PPA1: variants seen among roughly 807,000 people sequenced by gnomAD.
The protein encoded by PPA1 is inorganic pyrophosphatase 1.
In PPA1, 23 loss-of-function variants were observed where a neutral mutation model predicts 41.8. The ratio of observed to expected loss-of-function variants is 0.55; its 90% CI spans 0.40 to 0.78. The LOEUF is 0.78. PPA1 is among the 30% of genes least tolerant of loss of function. PPA1 has a pLI of 0.00. For synonymous variants in PPA1, 101 were observed against 116.8 expected, an observed-to-expected ratio of 0.86 and a Z score of 0.87; for missense variants, 320 against 361.6, an observed-to-expected ratio of 0.89 and a Z score of 0.93.
intron 2 of PPA1, among the ~76,000 whole-genome samples, chr10:70,227,951 AT>A (rs1564586408): frequency 6.6e-6 from 1 of 152,280 alleles, no homozygotes; most frequent in South Asian, 2.1e-4. Flanking sequence ...AGTTAATCAG[AT>A]TTTTTTTTTA....
chr10:70,229,550 G>T (rs7074777), intron 2 of PPA1, among the ~76,000 whole-genome samples: 48,875 of 152,094 alleles, frequency 0.32, 9,122 homozygotes, highest in East Asian at 0.53. Context: ...GAACAGCTAT[G>T]TCCTTTTAGA....
At chr10:70,216,749 A>G (rs551635734) in intron 4 of PPA1, among the ~76,000 whole-genome samples, 2 of 152,340 alleles carry the variant, frequency 1.3e-5, no homozygotes, top group Admixed American at 1.3e-4. Flanking sequence ...CCTAGCCAAA[A>G]TAGAATTAAA....
At chr10:70,220,950 T>C (rs1440640480) in intron 2 of PPA1, among the ~76,000 whole-genome samples, 2 of 20,950 alleles carry the variant, frequency 9.5e-5, no homozygotes, top group East Asian at 2.7e-3. Context: ...ATATAATTTA[T>C]ATATAATATA....
chr10:70,233,089 G>T (rs751354850), intron 1 of PPA1, among the ~76,000 whole-genome samples, 175 bp downstream of exon 1: 1 of 152,090 alleles, frequency 6.6e-6, no homozygotes, highest in Admixed American at 6.5e-5. Flanking sequence ...TCGCCGCCCC[G>T]ACCGGCGGCG....
chr10:70,227,149 T>C (rs1472529209), intron 2 of PPA1, among the ~76,000 whole-genome samples: 2 of 152,244 alleles, frequency 1.3e-5, no homozygotes, highest in Non-Finnish European at 2.9e-5. Flanking sequence ...CTCTGAGCTA[T>C]AGGTGCTTTT....
At position 70,202,891 on chromosome 10, in the gene PPA1, C is replaced by T. The variant is rs1469650616; in HGVS notation, c.*264G>A. 2.2e-6 allele frequency: 1 copy of T among 458,466 alleles called. No homozygotes were observed. The highest frequency in any genetic ancestry group is 2.0e-5 in the African/African-American group (1 of 49,166). 28.4% of individuals were successfully genotyped at this position (458,466 alleles called of 1,614,324 possible). A position where few individuals can be genotyped will look rare whatever the true frequency, so the allele number is the denominator to read the frequency against. ...TGGTAACATATACATCCAATATGTGCTCCCCTTGCACATCTATTCACAAGT... is the reference window on the plus strand; with the variant it reads ...TGGTAACATATACATCCAATATGTGTTCCCCTTGCACATCTATTCACAAGT... On this transcript the variant is annotated 3_prime_UTR_variant, in exon 11 of 11. Coordinates refer to ENST00000373232, the MANE Select transcript of PPA1 (RefSeq NM_021129.4).
At position 70,233,420 on chromosome 10, in the gene PPA1, C is replaced by G; in HGVS notation, c.-93G>C. ...GAGAGAGCCCCACGCCTGCGCACTG[C>G]GAGCACTGGACCGGCGGGCGGGGCG... On this transcript the variant is annotated 5_prime_UTR_variant, in exon 1 of 11. Coordinates refer to ENST00000373232, the MANE Select transcript of PPA1 (RefSeq NM_021129.4). 8 of 1,471,658 alleles carry G rather than the reference C, an allele frequency of 5.4e-6. No homozygotes were observed. The highest frequency in any genetic ancestry group is 1.3e-5 in the South Asian group (1 of 76,084). 91.2% of individuals were successfully genotyped at this position (1,471,658 alleles called of 1,614,324 possible).
intron 9 of PPA1, 40 bp downstream of exon 9, chr10:70,206,224 C>T (rs779047125): frequency 1.2e-5 from 18 of 1,491,992 alleles, no homozygotes; most frequent in Non-Finnish European, 1.7e-5. Context: ...TAGTTTTTAG[C>T]AACCAGGCTT....
rs1564584634 is a variant in PPA1, at chr10:70,221,071, TA to T, written c.124-2255del. Among the ~76,000 whole-genome samples the T allele has an allele frequency of 2.4e-3, 41 of 16,804 alleles. 2 individuals carry two copies. Among genetic ancestry groups the T allele is most frequent in the Non-Finnish European group, 3.1e-3 (34 of 11,082 alleles). The allele number at this position is 16,804 out of a possible 152,430, so 11.0% of individuals were successfully genotyped here. On this transcript the variant is annotated intron_variant, in intron 2 of 10. Coordinates refer to ENST00000373232, the MANE Select transcript of PPA1 (RefSeq NM_021129.4). Reference sequence around the variant, plus strand: ...TATATATATAATTTATATATATATATATATATTTTTTTTTTTTTTTTTTTGT... The same window carrying T: ...TATATATATAATTTATATATATATATTATATTTTTTTTTTTTTTTTTTTGT...
intron 2 of PPA1, among the ~76,000 whole-genome samples, chr10:70,227,703 ATTT>A (rs1425205327): frequency 6.8e-6 from 1 of 147,902 alleles, no homozygotes; most frequent in African/African-American, 2.5e-5. Flanking sequence ...GCCCTTGGGC[ATTT>A]TTCCTTAGTC....
At chr10:70,215,479 C>CT (rs1266055224) in intron 4 of PPA1, among the ~76,000 whole-genome samples, 1 of 151,214 alleles carries the variant, frequency 6.6e-6, no homozygotes, top group Non-Finnish European at 1.5e-5. Flanking sequence ...CCTTTTTTTT[C>CT]TTTTTTTCTT....
chr10:70,215,067 T>C (rs1241577493), intron 4 of PPA1, among the ~76,000 whole-genome samples: 1 of 152,046 alleles, frequency 6.6e-6, no homozygotes, highest in East Asian at 1.9e-4. Flanking sequence ...TGGTGGTGCA[T>C]GCCTGTAATC....
intron 2 of PPA1, among the ~76,000 whole-genome samples, chr10:70,226,876 A>C (rs1840235457): frequency 6.6e-6 from 1 of 152,224 alleles, no homozygotes; most frequent in Non-Finnish European, 1.5e-5. Context: ...AAAGAAACAC[A>C]TATTCCATAT....
intron 2 of PPA1, among the ~76,000 whole-genome samples, chr10:70,227,642 C>T (rs561112961): frequency 3.5e-4 from 39 of 110,662 alleles, no homozygotes; most frequent in African/African-American, 1.5e-3. Flanking sequence ...CAAAGTGAAA[C>T]CCTATCTCAA....
Position 70,210,534 on chromosome 10 carries a change from C to A in PPA1, c.512-849G>T, listed in dbSNP as rs1840005597. On this transcript the variant is annotated intron_variant, in intron 6 of 10. Transcript: ENST00000373232. ...GTACATAACAATACTTTAGTTCTGG[C>A]TGACAGAAAAGTGCACTGCTTTAAA... 3 of 950,642 alleles carry A rather than the reference C, an allele frequency of 3.2e-6. No homozygotes were observed. In the African/African-American group the frequency reaches 5.4e-5, roughly 17 times the overall value. The allele number at this position is 950,642 out of a possible 1,614,324, so 58.9% of individuals were successfully genotyped here.
At chr10:70,206,412 G>T in intron 8 of PPA1, 79 bp from the exon 9 acceptor site, 1 of 986,930 alleles carries the variant, frequency 1.0e-6, no homozygotes, top group East Asian at 2.5e-5. Flanking sequence ...AGTTGAAAGT[G>T]GTTGACCAGG....
intron 2 of PPA1, among the ~76,000 whole-genome samples, chr10:70,225,127 T>C (rs890289709): frequency 6.6e-6 from 1 of 152,240 alleles, no homozygotes; most frequent in African/African-American, 2.4e-5. Flanking sequence ...AGTTGACTCA[T>C]TGTGTGTTTC....
intron 4 of PPA1, among the ~76,000 whole-genome samples, chr10:70,215,723 C>A (rs993735476): frequency 2.0e-5 from 3 of 152,120 alleles, no homozygotes; most frequent in Non-Finnish European, 2.9e-5. Flanking sequence ...TCAGGTGATC[C>A]TCCCACCTTG....
chr10:70,227,389 C>T (rs536464464), intron 2 of PPA1, among the ~76,000 whole-genome samples: 31 of 152,362 alleles, frequency 2.0e-4, no homozygotes, highest in Non-Finnish European at 3.5e-4. Flanking sequence ...GTGGCTCACG[C>T]CTGCAACCCC....
Sources: gnomAD v4.1 joint callset for allele counts (sites outside exome capture counted in the v4.1 genomes callset) on GRCh38, gnomAD v4.1.1 for gene constraint, MANE v1.5 for transcripts, NCBI Gene and HGNC (gene_info 2026-07-23, HGNC 2026-07-21) for gene names.